The following STXBP5L variants were observed in gnomAD, a reference collection of about 807,000 sequenced individuals.
STXBP5L encodes the protein syntaxin binding protein 5L, also known as syntaxin-binding protein 5-like.
In STXBP5L, 65 loss-of-function variants were observed where a neutral mutation model predicts 144.5. The ratio of observed to expected loss-of-function variants is 0.45; its 90% CI spans 0.37 to 0.55. STXBP5L has a LOEUF of 0.55. Among genes scored for constraint, STXBP5L ranks in the 20% least tolerant of loss-of-function variants. STXBP5L has a pLI of 0.00. For missense variants in STXBP5L, 1,298 were observed against 1,405.5 expected (o/e 0.92, Z 1.22); for synonymous variants, 505 against 469.6 (o/e 1.08, Z -0.97).
chr3:120,994,754 G>T (rs896106046), intron 3 of STXBP5L, among the ~76,000 whole-genome samples: 1 of 151,662 alleles, frequency 6.6e-6, no homozygotes. Flanking sequence ...TTTGTTGCAT[G>T]GTTTTCTGGT....
chr3:121,078,006 C>A (rs1196874307), intron 5 of STXBP5L, among the ~76,000 whole-genome samples: 1 of 152,080 alleles, frequency 6.6e-6, no homozygotes, highest in Non-Finnish European at 1.5e-5. Flanking sequence ...ATTCACAAAC[C>A]CTGAGCTAGA....
intron 8 of STXBP5L, among the ~76,000 whole-genome samples, chr3:121,157,161 A>G (rs1273635234): frequency 2.6e-5 from 4 of 152,138 alleles, no homozygotes; most frequent in African/African-American, 4.8e-5. Context: ...AAGTATCTCA[A>G]TCTCTCAAGG....
At chr3:121,289,140 C>T (rs989897997) in intron 19 of STXBP5L, among the ~76,000 whole-genome samples, 34 of 152,140 alleles carry the variant, frequency 2.2e-4, no homozygotes, top group African/African-American at 7.7e-4. Flanking sequence ...CTCACATAAA[C>T]TTAAGGTAAA....
intron 3 of STXBP5L, among the ~76,000 whole-genome samples, chr3:120,991,511 A>G (rs1218144823): frequency 1.7e-3 from 252 of 152,272 alleles, no homozygotes; most frequent in African/African-American, 5.8e-3. Flanking sequence ...AAATCATGCT[A>G]CTATAAAGAC....
intron 20 of STXBP5L, among the ~76,000 whole-genome samples, chr3:121,370,273 C>A (rs1229687970): frequency 6.6e-6 from 1 of 152,134 alleles, no homozygotes; most frequent in Non-Finnish European, 1.5e-5. Context: ...GAGGCTGAGG[C>A]AAGAGAATCA....
chr3:120,947,459 A>G (rs1224449224), intron 2 of STXBP5L, among the ~76,000 whole-genome samples: 1 of 151,796 alleles, frequency 6.6e-6, no homozygotes, highest in East Asian at 1.9e-4. Context: ...TTTACTTCAA[A>G]TTGAAATATA....
intron 19 of STXBP5L, among the ~76,000 whole-genome samples, chr3:121,285,743 A>C (rs2051210367): frequency 6.6e-6 from 1 of 152,126 alleles, no homozygotes; most frequent in Admixed American, 6.6e-5. Context: ...ATACATTTAT[A>C]ATCTTAAACA....
intron 10 of STXBP5L, among the ~76,000 whole-genome samples, chr3:121,207,425 A>G (rs2048380953): frequency 6.6e-6 from 1 of 152,224 alleles, no homozygotes; most frequent in Admixed American, 6.5e-5. Flanking sequence ...GACGTGGGCA[A>G]GGACTTCATG....
intron 10 of STXBP5L, 44 bp downstream of exon 10, chr3:121,206,045 C>T (rs75762075): frequency 2.5e-6 from 3 of 1,181,834 alleles, no homozygotes; most frequent in Middle Eastern, 2.1e-4. Flanking sequence ...GAAGCAGAGA[C>T]AAAAAATGCA....
At chr3:121,016,067 T>G (rs1945124770) in intron 3 of STXBP5L, among the ~76,000 whole-genome samples, 1 of 152,278 alleles carries the variant, frequency 6.6e-6, no homozygotes, top group Non-Finnish European at 1.5e-5. Flanking sequence ...ACTAGAGAAA[T>G]TTGAAGTCTC....
chr3:121,300,565 T>G (rs924448172), intron 19 of STXBP5L, among the ~76,000 whole-genome samples: 1 of 152,048 alleles, frequency 6.6e-6, no homozygotes, highest in South Asian at 2.1e-4. Flanking sequence ...TAATTAAAGA[T>G]GCACTGTAAT....
intron 3 of STXBP5L, among the ~76,000 whole-genome samples, chr3:121,006,528 T>A (rs898888765): frequency 2.6e-5 from 4 of 152,226 alleles, no homozygotes; most frequent in Admixed American, 6.5e-5. Flanking sequence ...TGTCTTTTAA[T>A]TGGGGCATTT....
intron 20 of STXBP5L, among the ~76,000 whole-genome samples, chr3:121,352,866 A>C (rs2045349352): frequency 6.6e-6 from 1 of 152,104 alleles, no homozygotes; most frequent in African/African-American, 2.4e-5. Context: ...ATCAATATCT[A>C]GTTTATTGAG....
At chr3:121,060,036 C>G (rs1194510019) in intron 5 of STXBP5L, among the ~76,000 whole-genome samples, 1 of 152,124 alleles carries the variant, frequency 6.6e-6, no homozygotes, top group Non-Finnish European at 1.5e-5. Context: ...GAGAGGGCAT[C>G]CTTGTCTTAT....
intron 3 of STXBP5L, among the ~76,000 whole-genome samples, chr3:121,012,178 A>G (rs1944823610): frequency 6.6e-6 from 1 of 151,922 alleles, no homozygotes; most frequent in Non-Finnish European, 1.5e-5. Context: ...TATTTTATGG[A>G]TATACCACAT....
chr3:121,268,019 A>G (rs1273691071), intron 18 of STXBP5L, among the ~76,000 whole-genome samples: 1 of 152,188 alleles, frequency 6.6e-6, no homozygotes, highest in Non-Finnish European at 1.5e-5. Flanking sequence ...AAGGATCTCA[A>G]ACCAGAAATA....
At chr3:121,071,567 A>G (rs2107662920) in intron 5 of STXBP5L, among the ~76,000 whole-genome samples, 1 of 152,240 alleles carries the variant, frequency 6.6e-6, no homozygotes, top group East Asian at 1.9e-4. Flanking sequence ...GCTATGATGA[A>G]CCCAAGGTAT....
chr3:121,314,500 C>G (rs1268153288), intron 19 of STXBP5L, among the ~76,000 whole-genome samples: 8 of 145,194 alleles, frequency 5.5e-5, no homozygotes, highest in Non-Finnish European at 1.2e-4. Context: ...CAGGCTGAGG[C>G]AGGAGAATCA....
At position 121,046,895 on chromosome 3, in the gene STXBP5L, AG is replaced by A. The variant is rs139617475; in HGVS notation, c.470+1361del. 5.3e-3 allele frequency among the ~76,000 whole-genome samples: 811 copies of A among 151,894 alleles called. 10 individuals carry two copies. The highest frequency in any genetic ancestry group is 0.018 in the African/African-American group (759 of 41,444). On this transcript the variant is annotated intron_variant, in intron 5 of 26. Coordinates refer to ENST00000471454, the MANE Select transcript of STXBP5L (RefSeq NM_001308330.2). ...TTTTAGTTATTTCTTGTCTTTTGCT[AG>A]CTTTGGGTTTGTTTTGTATTGTTTC...
Sources: allele counts gnomAD v4.1 joint callset (sites outside exome capture counted in the v4.1 genomes callset), GRCh38; gene constraint gnomAD v4.1.1; transcripts MANE v1.5; gene names NCBI Gene and HGNC (gene_info 2026-07-23, HGNC 2026-07-21).